Variants in FAM163B observed in about 807,000 individuals in gnomAD.
The protein encoded by FAM163B is family with sequence similarity 163 member B.
A neutral mutation model predicts 7.6 loss-of-function variants in FAM163B; 4 were observed. That is an observed-to-expected ratio of 0.52 (90% CI 0.26 to 1.20). The LOEUF (loss-of-function observed/expected upper bound fraction) is 1.20, where lower values mean the gene tolerates loss of function less well. Ranked by LOEUF, FAM163B falls within the 50% of genes most tolerant of loss-of-function variation. FAM163B has a pLI of 0.14. For missense variants in FAM163B, 250 were observed against 243.0 expected (o/e 1.03, Z -0.19); for synonymous variants, 120 against 111.6 (o/e 1.07, Z -0.47).
At position 133,577,838 on chromosome 9, in the gene FAM163B, G is replaced by A. The variant is rs745721399; in HGVS notation, c.*1184C>T. On this transcript the variant is annotated 3_prime_UTR_variant, in exon 3 of 3. Coordinates refer to ENST00000673969, the MANE Select transcript of FAM163B (RefSeq NM_001080515.3). Reference sequence around the variant, plus strand: ...GTCATTTCCTTAGCAGCAGGAGAGCGGGTGAGAATTCCCAGGAGACCTCAG... The same window carrying A: ...GTCATTTCCTTAGCAGCAGGAGAGCAGGTGAGAATTCCCAGGAGACCTCAG... 1.8e-4 allele frequency among the ~76,000 whole-genome samples: 27 copies of A among 152,346 alleles called. 1 individual carries two copies. The highest frequency in any genetic ancestry group is 9.6e-4 in the East Asian group (5 of 5,184).
intron 1 of FAM163B, among the ~76,000 whole-genome samples, chr9:133,587,941 A>C (rs1238695430): frequency 7.0e-6 from 1 of 143,446 alleles, no homozygotes; most frequent in Non-Finnish European, 1.5e-5. Flanking sequence ...AAAAGAGAAA[A>C]AGGTGATGGG....
chr9:133,592,239 T>C (rs186222366), intron 1 of FAM163B, among the ~76,000 whole-genome samples: 81 of 152,216 alleles, frequency 5.3e-4, no homozygotes, highest in African/African-American at 1.9e-3. Flanking sequence ...CCAAGCACCC[T>C]GGGAGGGCTG....
At chr9:133,582,888 A>C (rs1831377373) in intron 1 of FAM163B, among the ~76,000 whole-genome samples, 1 of 152,188 alleles carries the variant, frequency 6.6e-6, no homozygotes, top group South Asian at 2.1e-4. Flanking sequence ...GAGAGTCAGA[A>C]GGCGCTGGTC....
At chr9:133,581,033 T>G (rs1227215763) in intron 1 of FAM163B, among the ~76,000 whole-genome samples, 3 of 152,238 alleles carry the variant, frequency 2.0e-5, no homozygotes, top group Admixed American at 6.5e-5. Context: ...GATACATTCT[T>G]AGAAGTGGGA....
intron 1 of FAM163B, among the ~76,000 whole-genome samples, chr9:133,593,909 A>G (rs2131247736): frequency 6.6e-6 from 1 of 152,110 alleles, no homozygotes; most frequent in African/African-American, 2.4e-5. Context: ...TGGGAGCTCC[A>G]GGGCAGGCCC....
At chr9:133,608,520 C>T (rs983078572) in intron 1 of FAM163B, among the ~76,000 whole-genome samples, 14 of 152,258 alleles carry the variant, frequency 9.2e-5, no homozygotes, top group Admixed American at 8.5e-4. Context: ...CAGAGGCCGG[C>T]GTGTTTGAGG....
At chr9:133,584,330 C>A (rs1379236775) in intron 1 of FAM163B, among the ~76,000 whole-genome samples, 1 of 152,114 alleles carries the variant, frequency 6.6e-6, no homozygotes, top group Non-Finnish European at 1.5e-5. Context: ...TCTACTCTTG[C>A]GGGTGACCTT....
chr9:133,583,722 C>T (rs935687274), intron 1 of FAM163B, among the ~76,000 whole-genome samples: 23 of 152,190 alleles, frequency 1.5e-4, no homozygotes, highest in Middle Eastern at 3.2e-3. Flanking sequence ...AGCAGCCTGG[C>T]GGCGTGACGG....
At chr9:133,597,329 C>G (rs755044014) in intron 1 of FAM163B, among the ~76,000 whole-genome samples, 1 of 152,096 alleles carries the variant, frequency 6.6e-6, no homozygotes, top group Non-Finnish European at 1.5e-5. Context: ...GAAAACATGA[C>G]AATGCCTAAG....
At chr9:133,598,355 C>T (rs1004855766) in intron 1 of FAM163B, among the ~76,000 whole-genome samples, 8 of 151,220 alleles carry the variant, frequency 5.3e-5, no homozygotes, top group African/African-American at 1.5e-4. Flanking sequence ...AACCCTGAAC[C>T]GTATGCATCC....
intron 1 of FAM163B, among the ~76,000 whole-genome samples, chr9:133,605,013 T>A (rs939201656): frequency 2.6e-5 from 4 of 152,182 alleles, no homozygotes; most frequent in Non-Finnish European, 5.9e-5. Flanking sequence ...TGCCTGTGTG[T>A]GAACACTGAG....
In FAM163B at chr9:133,600,786, G is replaced by A. The variant is rs1178195094; in HGVS notation, c.-24+8291C>T. ...CTGAGACTCCTTTCCTCTTCGATTC[G>A]GAAGGGACTTTGGAAGATAACTAGT... On this transcript the variant is annotated intron_variant, in intron 1 of 2. Transcript: ENST00000673969. The surrounding 1 kb of genome is among the most constrained non-coding windows in gnomAD (Gnocchi z 4.9). Among the ~76,000 whole-genome samples the A allele has an allele frequency of 2.6e-5, 4 of 152,100 alleles. No individual in the cohort carries two copies. The highest frequency in any genetic ancestry group is 4.8e-5 in the African/African-American group (2 of 41,406).
chr9:133,599,792 A>C (rs2131258149), intron 1 of FAM163B, among the ~76,000 whole-genome samples: 1 of 143,910 alleles, frequency 6.9e-6, no homozygotes, highest in East Asian at 2.1e-4. Context: ...GTGTGTGTGC[A>C]TGTGATCTGT....
chr9:133,601,239 C>A lies in FAM163B; in HGVS notation c.-24+7838G>T, dbSNP rs1831725518. On this transcript the variant is annotated intron_variant, in intron 1 of 2. Transcript: ENST00000673969. This position sits in a 1 kb window ranked among gnomAD's most constrained non-coding sequence, Gnocchi z 4.1. ...CTCTGGGCAGGGCGCGCCTTTGGAGCCGACTCAGTGATTCTATTATAACTT... is the reference window on the plus strand; with the variant it reads ...CTCTGGGCAGGGCGCGCCTTTGGAGACGACTCAGTGATTCTATTATAACTT... Among the ~76,000 whole-genome samples the A allele has an allele frequency of 6.6e-6, 1 of 152,186 alleles. No homozygotes were observed. Among genetic ancestry groups the A allele is most frequent in the Non-Finnish European group, 1.5e-5 (1 of 68,032 alleles).
chr9:133,602,353 G>C (rs566495700), intron 1 of FAM163B, among the ~76,000 whole-genome samples: 1 of 152,178 alleles, frequency 6.6e-6, no homozygotes, highest in Admixed American at 6.5e-5. Flanking sequence ...GTTCGAATCC[G>C]GGTGGGATTG....
intron 1 of FAM163B, among the ~76,000 whole-genome samples, chr9:133,592,927 A>G (rs1831576762): frequency 6.6e-6 from 1 of 152,170 alleles, no homozygotes; most frequent in African/African-American, 2.4e-5. Context: ...ATCCCAGGCC[A>G]CTGACAGGAC....
In FAM163B at chr9:133,609,122, G is replaced by C. The variant is rs1213919014; in HGVS notation, c.-69C>G. 2.0e-5 allele frequency among the ~76,000 whole-genome samples: 3 copies of C among 152,104 alleles called. No homozygotes were observed. Among genetic ancestry groups the C allele is most frequent in the African/African-American group, 7.2e-5 (3 of 41,450 alleles). ...CTGCCCCGGCCGCGAGGACTTGGGC[G>C]CACGTGACGGGGCGGGCGGGCGTCC... is the stretch of plus-strand genomic sequence containing the variant. On this transcript the variant is annotated 5_prime_UTR_variant, in exon 1 of 3. Transcript: ENST00000673969.
intron 1 of FAM163B, among the ~76,000 whole-genome samples, chr9:133,604,791 C>G (rs1055183633): frequency 6.6e-6 from 1 of 152,108 alleles, no homozygotes; most frequent in African/African-American, 2.4e-5. Flanking sequence ...TCCCCGAACC[C>G]CATCTGGAGT....
intron 1 of FAM163B, among the ~76,000 whole-genome samples, chr9:133,583,707 C>T (rs932795853): frequency 2.6e-4 from 39 of 152,322 alleles, no homozygotes; most frequent in Non-Finnish European, 4.4e-4. Flanking sequence ...TCTCCTCCAG[C>T]GGAGAGCAGC....
Sources: allele counts gnomAD v4.1 joint callset (sites outside exome capture counted in the v4.1 genomes callset), GRCh38; gene constraint gnomAD v4.1.1; non-coding constraint Gnocchi (gnomAD v3.1); transcripts MANE v1.5; gene names NCBI Gene and HGNC (gene_info 2026-07-23, HGNC 2026-07-21).